SVEP1: variants seen among roughly 807,000 people sequenced by gnomAD.
The protein encoded by SVEP1 is sushi, von Willebrand factor type A, EGF and pentraxin domain containing 1, also known as sushi, von Willebrand factor type A, EGF and pentraxin domain-containing protein 1.
A neutral mutation model predicts 367.3 loss-of-function variants in SVEP1; 164 were observed. That is an observed-to-expected ratio of 0.45 (90% CI 0.39 to 0.51). SVEP1 has a LOEUF of 0.51. SVEP1 is among the 20% of genes least tolerant of loss of function. SVEP1 has a pLI of 0.00. For missense variants in SVEP1, 4,117 were observed against 4,425.3 expected (o/e 0.93, Z 1.98); for synonymous variants, 1,666 against 1,611.6 (o/e 1.03, Z -0.81).
intron 1 of SVEP1, among the ~76,000 whole-genome samples, chr9:110,576,634 C>T (rs910507886): frequency 4.0e-5 from 6 of 151,830 alleles, no homozygotes; most frequent in Non-Finnish European, 8.8e-5. Flanking sequence ...ATATAGAAGG[C>T]ATATTTTTAA....
chr9:110,406,223 G>C lies in SVEP1; in HGVS notation c.9377C>G (p.Pro3126Arg). The change falls in exon 38 of 48, where the codon CCG becomes CGG. Residue 3126 changes from proline to arginine, a missense_variant. Coordinates refer to ENST00000374469, the MANE Select transcript of SVEP1 (RefSeq NM_153366.4). ...AGTTGCCACTGCATTGGCGACAGAC[G>C]GTGGGGACCCACAGGACAAGGGCTC... ...VCEPLSCGSP[P>R]SVANAVATGE... 1.2e-6 allele frequency: 2 copies of C among 1,611,244 alleles called. No individual in the cohort carries two copies. The highest frequency in any genetic ancestry group is 2.2e-5 in the South Asian group (2 of 90,660).
chr9:110,369,861 C>T, intron 47 of SVEP1, 62 bp downstream of exon 47: 1 of 1,415,346 alleles, frequency 7.1e-7, no homozygotes, highest in East Asian at 2.4e-5. Context: ...GCTCTTAGGA[C>T]AATTTACTTG....
At chr9:110,480,116 T>C (rs953520644) in intron 12 of SVEP1, among the ~76,000 whole-genome samples, 9 of 152,234 alleles carry the variant, frequency 5.9e-5, no homozygotes, top group African/African-American at 1.9e-4. Flanking sequence ...ATATCTTATA[T>C]AGCACATATA....
At chr9:110,527,933 G>T (rs910966769) in intron 3 of SVEP1, among the ~76,000 whole-genome samples, 4 of 151,206 alleles carry the variant, frequency 2.6e-5, no homozygotes, top group Admixed American at 6.6e-5. Flanking sequence ...CTTAGCTCCC[G>T]CTTATAAGTG....
chr9:110,427,016 G>C (rs1333057423), intron 36 of SVEP1, among the ~76,000 whole-genome samples: 2 of 152,052 alleles, frequency 1.3e-5, no homozygotes, highest in African/African-American at 4.8e-5. Flanking sequence ...CATCTTAGTA[G>C]TACAATATAA....
intron 36 of SVEP1, among the ~76,000 whole-genome samples, chr9:110,412,448 A>G (rs1185344154): frequency 6.6e-6 from 1 of 152,208 alleles, no homozygotes; most frequent in Non-Finnish European, 1.5e-5. Context: ...ACCCTAGAAG[A>G]AAACCTAGGC....
At position 110,579,264 on chromosome 9, in the gene SVEP1, C is replaced by G; in HGVS notation, c.280G>C (p.Val94Leu). The change falls in exon 1 of 48, where the codon GTG becomes CTG. Residue 94 changes from valine (V) to leucine (L), a missense_variant. Val to Leu is a conservative substitution (Grantham distance 32). Coordinates refer to ENST00000374469, the MANE Select transcript of SVEP1 (RefSeq NM_153366.4). This position sits in a 1 kb window ranked among gnomAD's most constrained non-coding sequence, Gnocchi z 5.3. ...LVFLVDDSSSVGEVNFRSELM... is the reference protein window; with the variant it reads ...LVFLVDDSSSLGEVNFRSELM... ...TCGCTGCGGAAGTTGACTTCGCCCA[C>G]GCTGGACGAATCATCCACCAGGAAG... 3 of 1,572,062 alleles carry G rather than the reference C, an allele frequency of 1.9e-6. No individual in the cohort carries two copies. Among genetic ancestry groups the G allele is most frequent in the Non-Finnish European group, 1.7e-6 (2 of 1,159,982 alleles).
At chr9:110,399,989 C>T (rs1827831833) in intron 40 of SVEP1, among the ~76,000 whole-genome samples, 1 of 152,168 alleles carries the variant, frequency 6.6e-6, no homozygotes, top group South Asian at 2.1e-4. Flanking sequence ...CTAGCTCTCC[C>T]ACTAAAGTAA....
intron 46 of SVEP1, among the ~76,000 whole-genome samples, chr9:110,375,000 C>A (rs1006012902): frequency 6.6e-6 from 1 of 150,738 alleles, no homozygotes; most frequent in African/African-American, 2.4e-5. Flanking sequence ...TTATGTATAA[C>A]CTTGTTCTTT....
intron 47 of SVEP1, among the ~76,000 whole-genome samples, chr9:110,367,898 T>G (rs1827222695): frequency 6.6e-6 from 1 of 152,060 alleles, no homozygotes; most frequent in Admixed American, 6.5e-5. Flanking sequence ...CTGGCCAACA[T>G]AGTGAACCCT....
At chr9:110,450,408 G>T in intron 23 of SVEP1, 148 bp from the exon 24 acceptor site, 1 of 662,368 alleles carries the variant, frequency 1.5e-6, no homozygotes, top group Non-Finnish European at 2.4e-6. Context: ...GATCCATTCT[G>T]TAATGGGCTC....
At chr9:110,455,895 G>C (rs10081793) in intron 21 of SVEP1, among the ~76,000 whole-genome samples, 192 bp from the exon 22 acceptor site, 5 of 152,052 alleles carry the variant, frequency 3.3e-5, no homozygotes, top group African/African-American at 1.2e-4. Context: ...ACAAATTTAA[G>C]ATATTCTTAT....
intron 22 of SVEP1, among the ~76,000 whole-genome samples, chr9:110,454,302 G>A (rs977139981): frequency 3.3e-5 from 5 of 152,152 alleles, no homozygotes; most frequent in African/African-American, 1.2e-4. Context: ...TGTCAAGAAG[G>A]GTATTCCCTA....
chr9:110,538,411 A>G (rs143826592), intron 3 of SVEP1, among the ~76,000 whole-genome samples: 49 of 152,182 alleles, frequency 3.2e-4, no homozygotes, highest in African/African-American at 1.1e-3. Context: ...CTTACAGAAC[A>G]AGATTTCCAA....
At chr9:110,527,882 A>G (rs564280366) in intron 3 of SVEP1, among the ~76,000 whole-genome samples, 147 of 151,570 alleles carry the variant, frequency 9.7e-4, no homozygotes, top group Non-Finnish European at 1.6e-3. Flanking sequence ...TGAGTCTCCA[A>G]TGTCCATTAT....
Position 110,369,985 on chromosome 9 carries a change from T to C in SVEP1, c.10632A>G (p.Gly3544=), listed in dbSNP as rs1029744426. ...GACATCGGTTTGGTCTTACACATTT[T>C]CCACCATTTAAGCAGGGAGACTGGC... ...AVCQSPCLNG[G]KCVRPNRCHC... is the part of the protein sequence containing the mutation. The change falls in exon 47 of 48, where the codon GGA becomes GGG. Residue 3544 remains glycine, a synonymous_variant. Transcript: ENST00000374469. 1.9e-6 allele frequency: 3 copies of C among 1,613,316 alleles called. No individual in the cohort carries two copies. Among genetic ancestry groups the C allele is most frequent in the Non-Finnish European group, 2.5e-6 (3 of 1,179,542 alleles).
chr9:110,388,476 C>T (rs1204547313), intron 41 of SVEP1, among the ~76,000 whole-genome samples: 2 of 152,074 alleles, frequency 1.3e-5, no homozygotes, highest in Non-Finnish European at 2.9e-5. Flanking sequence ...TATCACAGAC[C>T]AAATGAGTCC....
At chr9:110,390,218 T>C (rs1248022671) in intron 40 of SVEP1, among the ~76,000 whole-genome samples, 2 of 130,922 alleles carry the variant, frequency 1.5e-5, no homozygotes, top group Middle Eastern at 4.7e-3. Context: ...TATATACTTG[T>C]ATATATACTT....
intron 43 of SVEP1, among the ~76,000 whole-genome samples, chr9:110,384,069 C>T (rs1827484097): frequency 6.6e-6 from 1 of 152,152 alleles, no homozygotes; most frequent in South Asian, 2.1e-4. Flanking sequence ...GCTGTTCCTC[C>T]CTCCGATAAC....
Sources: gnomAD v4.1 joint callset for allele counts (sites outside exome capture counted in the v4.1 genomes callset) on GRCh38, gnomAD v4.1.1 for gene constraint, Gnocchi (gnomAD v3.1) non-coding constraint, MANE v1.5 for transcripts, NCBI Gene and HGNC (gene_info 2026-07-23, HGNC 2026-07-21) for gene names.